Variants in WDR18 observed in about 807,000 individuals in gnomAD.
WDR18 encodes the protein WD repeat domain 18.
Under a neutral mutation model 49.6 loss-of-function variants are expected in WDR18, and 33 were observed. That is an observed-to-expected ratio of 0.67 (90% CI 0.50 to 0.89). WDR18 has a LOEUF of 0.89. Among genes scored for constraint, WDR18 ranks in the 40% least tolerant of loss-of-function variants. WDR18 has a pLI of 0.00. For missense variants in WDR18, 653 were observed against 593.6 expected, an observed-to-expected ratio of 1.10 and a Z score of -1.04; for synonymous variants, 315 against 263.6, an observed-to-expected ratio of 1.19 and a Z score of -1.89.
At chr19:993,993 G>C in intron 8 of WDR18, 27 bp from the exon 9 acceptor site, 5 of 1,548,832 alleles carry the variant, frequency 3.2e-6, no homozygotes, top group Non-Finnish European at 4.4e-6. Flanking sequence ...GACGCGCCCC[G>C]AGGTCACGTG....
intron 8 of WDR18, 128 bp from the exon 9 acceptor site, chr19:993,890 TTC>T (rs1421305096): frequency 4.9e-6 from 5 of 1,018,072 alleles, no homozygotes; most frequent in Non-Finnish European, 7.3e-6. Context: ...CAGTCTTCCC[TTC>T]TGTCTGTGGG....
rs2038605033 is a variant in WDR18 at position 994,406 on chromosome 19, C to T, written c.*62C>T. ...GCCCCATGCCTCCCAGCAACCAGGG[C>T]CCGCGGGTGTGGCCCCCACCAGCCC... On this transcript the variant is annotated 3_prime_UTR_variant, in exon 10 of 10. Coordinates refer to ENST00000585809, the MANE Select transcript of WDR18 (RefSeq NM_024100.4). 2 of 1,544,222 alleles carry T rather than the reference C, an allele frequency of 1.3e-6. No individual in the cohort carries two copies. Among genetic ancestry groups the T allele is most frequent in the Admixed American group, 1.9e-5 (1 of 52,390 alleles).
At chr19:983,706 C>T (rs73492695), upstream of WDR18, among the ~76,000 whole-genome samples, 6,812 of 151,950 alleles carry the variant, frequency 0.045, 374 homozygotes, top group African/African-American at 0.12. Context: ...ATGTTGAGGC[C>T]CCTAAAGAGG....
Position 990,924 on chromosome 19 carries a change from G to A in WDR18, c.670G>A (p.Asp224Asn). The change falls in exon 5 of 10, where the codon GAC (aspartate) becomes AAC (asparagine). Residue 224 changes from aspartate to asparagine, a missense_variant. Coordinates refer to ENST00000585809, the MANE Select transcript of WDR18 (RefSeq NM_024100.4). ...FDVSIMAVTM[D>N]LAEHHMFCGG... ...CGTGTCCATCATGGCAGTGACCATG[G>A]ACCTGGCTGAGCACCATATGTTCTG... The A allele has an allele frequency of 6.2e-7, 1 of 1,612,798 alleles. No individual in the cohort carries two copies. Among genetic ancestry groups the A allele is most frequent in the Non-Finnish European group, 8.5e-7 (1 of 1,179,898 alleles).
upstream of WDR18, among the ~76,000 whole-genome samples, chr19:983,108 C>A (rs1420459828): frequency 6.6e-6 from 1 of 152,196 alleles, no homozygotes; most frequent in Non-Finnish European, 1.5e-5. Flanking sequence ...CCCTTTTTAT[C>A]CCTTTTTAAG....
chr19:986,797 T>C (rs2038480129), intron 2 of WDR18, among the ~76,000 whole-genome samples: 1 of 152,176 alleles, frequency 6.6e-6, no homozygotes, highest in Admixed American at 6.5e-5. Flanking sequence ...AAGTCAGGCC[T>C]CTTGGAGTTT....
At chr19:985,839 T>G in intron 1 of WDR18, 26 bp from the exon 2 acceptor site, 1 of 1,611,934 alleles carries the variant, frequency 6.2e-7, no homozygotes. Flanking sequence ...TGCATGGGGC[T>G]CACGAGGCTG....
In WDR18 at chr19:985,928, G is replaced by T. The variant is rs1446508007; in HGVS notation, c.274G>T (p.Gly92Cys). 1 of 1,613,904 alleles carries T rather than the reference G, an allele frequency of 6.2e-7. No homozygotes were observed. The highest frequency in any genetic ancestry group is 1.7e-4 in the Middle Eastern group (1 of 6,058). Residue 92 changes from glycine (G) to cysteine (C), a missense_variant, in exon 2 of 10, where the codon GGT becomes TGT. Physicochemically the swap from Gly to Cys is radical, Grantham distance 159 (BLOSUM62 -3). Coordinates refer to ENST00000585809, the MANE Select transcript of WDR18 (RefSeq NM_024100.4). Reference protein sequence around the residue: ...PVTCLTASPNGLYVLAGVAES... With the variant: ...PVTCLTASPNCLYVLAGVAES... ...CACCTGTCTGACTGCATCACCCAATGGTCTCTACGTCCTGGCAGGAGTTGC... is the reference window on the plus strand; with the variant it reads ...CACCTGTCTGACTGCATCACCCAATTGTCTCTACGTCCTGGCAGGAGTTGC...
At position 990,220 on chromosome 19, in the gene WDR18, C is replaced by A. The variant is rs1568384929; in HGVS notation, c.456-3C>A. 1 of 1,596,216 alleles carries A rather than the reference C, an allele frequency of 6.3e-7. No homozygotes were observed. The highest frequency in any genetic ancestry group is 1.7e-5 in the Admixed American group (1 of 59,608). On this transcript the variant is annotated splice_polypyrimidine_tract_variant and splice_region_variant and intron_variant, in intron 3 of 9. Transcript: ENST00000585809. ...TGCTGAGCACCTGCCCCACCCCGCT[C>A]AGCGTGCTGCAGGCCGACCCCTCCA...
chr19:994,474 CCT>C lies in WDR18; in HGVS notation c.*133_*134del, dbSNP rs2038606465. 7.5e-7 allele frequency: 1 copy of C among 1,338,714 alleles called. No homozygotes were observed. Among genetic ancestry groups the C allele is most frequent in the Non-Finnish European group, 1.0e-6 (1 of 1,002,982 alleles). 82.9% of individuals were successfully genotyped at this position (1,338,714 alleles called of 1,614,324 possible). Reference sequence around the variant, plus strand: ...AGTTCTGTGTCGTGTTCGGGTTTTTCCTCTGTGACTGGGCCGTCTTGGTGTCT... The same window carrying C: ...AGTTCTGTGTCGTGTTCGGGTTTTTCCTGTGACTGGGCCGTCTTGGTGTCT... On this transcript the variant is annotated 3_prime_UTR_variant, in exon 10 of 10. Transcript: ENST00000585809.
In WDR18 at chr19:991,009, T is replaced by TCTGCGGG. The variant is rs776777477; in HGVS notation, c.741+19_741+25dup. ...CTCTTCACCTGGGTGAGTGCCGCGG[T>TCTGCGGG]CTGCGGGCTGCACCCTGCCCTGGGG... is the stretch of plus-strand genomic sequence containing the variant. On this transcript the variant is annotated intron_variant, in intron 5 of 9. Coordinates refer to ENST00000585809, the MANE Select transcript of WDR18 (RefSeq NM_024100.4). The TCTGCGGG allele has an allele frequency of 6.2e-7, 1 of 1,603,556 alleles. No individual in the cohort carries two copies. Among genetic ancestry groups the TCTGCGGG allele is most frequent in the African/African-American group, 1.3e-5 (1 of 74,918 alleles).
At chr19:993,983 G>T (rs2038595739) in intron 8 of WDR18, 37 bp from the exon 9 acceptor site, 1 of 1,546,886 alleles carries the variant, frequency 6.5e-7, no homozygotes, top group East Asian at 2.4e-5. Flanking sequence ...TGTGTGACAG[G>T]ACGCGCCCCG....
At position 989,048 on chromosome 19, in the gene WDR18, C is replaced by T. The variant is rs3815164; in HGVS notation, c.322-714C>T. The stretch of plus-strand genomic sequence containing the variant: ...CCCACAGAGCATCTCAGGCCTCGAA[C>T]CCACAACCCCCACCAGAGCTTCTCA... On this transcript the variant is annotated intron_variant, in intron 2 of 9. Coordinates refer to ENST00000585809, the MANE Select transcript of WDR18 (RefSeq NM_024100.4). Among the ~76,000 whole-genome samples the T allele has an allele frequency of 7.7e-3, 768 of 99,582 alleles. 13 individuals carry two copies. Among genetic ancestry groups the T allele is most frequent in the Non-Finnish European group, 0.01 (511 of 48,764 alleles). The allele number at this position is 99,582 out of a possible 152,430, so 65.3% of individuals were successfully genotyped here. A position where few individuals can be genotyped will look rare whatever the true frequency, so the allele number is the denominator to read the frequency against.
At position 991,921 on chromosome 19, in the gene WDR18, G is replaced by T. The variant is rs1475500916; in HGVS notation, c.932-34G>T. The T allele has an allele frequency of 3.7e-5, 56 of 1,494,236 alleles. No individual in the cohort carries two copies. The Admixed American group carries it at 1.2e-3, about 32-fold the overall frequency. 92.6% of individuals were successfully genotyped at this position (1,494,236 alleles called of 1,614,324 possible). On this transcript the variant is annotated intron_variant, in intron 7 of 9. Transcript: ENST00000585809. ...CTTGCTGTGGGGTGGGGCCTGGCTG[G>T]GATGGGGCGGGGCCTGACCTCCGCG...
At chr19:985,788 C>A in intron 1 of WDR18, 77 bp from the exon 2 acceptor site, 2 of 1,426,206 alleles carry the variant, frequency 1.4e-6, no homozygotes, top group Non-Finnish European at 9.8e-7. Flanking sequence ...CCCAGGCGTC[C>A]CCTCCCCTCG....
intron 2 of WDR18, among the ~76,000 whole-genome samples, chr19:987,262 G>A (rs149111276): frequency 3.3e-5 from 5 of 152,138 alleles, no homozygotes; most frequent in Non-Finnish European, 5.9e-5. Flanking sequence ...AGAATCACTT[G>A]AATCCGAGAG....
chr19:994,177 G>T (rs1376552540), intron 9 of WDR18, 36 bp from the exon 10 acceptor site: 1 of 1,573,178 alleles, frequency 6.4e-7, no homozygotes, highest in Admixed American at 1.8e-5. Context: ...CACACCCCAG[G>T]CCACTTCTGC....
At chr19:983,309 T>C (rs1789463699), upstream of WDR18, among the ~76,000 whole-genome samples, 1 of 151,960 alleles carries the variant, frequency 6.6e-6, no homozygotes, top group South Asian at 2.1e-4. Context: ...TAGATATATG[T>C]TTTTCTTTGA....
upstream of WDR18, chr19:984,256 A>C: frequency 7.9e-7 from 1 of 1,270,092 alleles, no homozygotes; most frequent in Non-Finnish European, 1.0e-6. Flanking sequence ...CGGGTCGGCC[A>C]CCCGCTGGGG....
Sources: allele counts gnomAD v4.1 joint callset (sites outside exome capture counted in the v4.1 genomes callset), GRCh38; gene constraint gnomAD v4.1.1; transcripts MANE v1.5; gene names NCBI Gene and HGNC (gene_info 2026-07-23, HGNC 2026-07-21).